The following LY6K variants were observed in gnomAD, a reference collection of about 807,000 sequenced individuals.
LY6K encodes lymphocyte antigen 6K.
A neutral mutation model predicts 10.4 loss-of-function variants in LY6K; 9 were observed. The observed-to-expected ratio is 0.87, with a 90% CI of 0.52 to 1.52. LY6K has a LOEUF of 1.52. LY6K is among the 40% of genes most tolerant of loss of function. LY6K has a pLI of 0.00. For missense variants in LY6K, 217 were observed against 211.7 expected (o/e 1.02, Z -0.15); for synonymous variants, 98 against 83.7 (o/e 1.17, Z -0.94).
At chr8:142,701,016 G>T (rs1007136882) in intron 1 of LY6K, among the ~76,000 whole-genome samples, 1 of 151,942 alleles carries the variant, frequency 6.6e-6, no homozygotes, top group East Asian at 2.0e-4. Flanking sequence ...GAGGGAGTCG[G>T]GGGGCAGGAC....
Position 142,703,471 on chromosome 8 carries a change from G to C in LY6K, c.*100G>C. 7.1e-7 allele frequency: 1 copy of C among 1,410,050 alleles called. No homozygotes were observed. The highest frequency in any genetic ancestry group is 9.5e-7 in the Non-Finnish European group (1 of 1,058,042). 87.3% of individuals were successfully genotyped at this position (1,410,050 alleles called of 1,614,324 possible). A position where few individuals can be genotyped will look rare whatever the true frequency, so the allele number is the denominator to read the frequency against. ...CTTGTTTTCTGTTGATTACCTCTTG[G>C]TTTGACTTCCCAGGGTCTTGGGATG... On this transcript the variant is annotated 3_prime_UTR_variant, in exon 3 of 3. Transcript: ENST00000292430.
At position 142,703,773 on chromosome 8, in the gene LY6K, G is replaced by C. The variant is rs1311071713; in HGVS notation, c.*402G>C. ...CCTTTCAGGTGACGCAGGAACACTG[G>C]GGGAGTCTGAATGATTGGGGTGAAG... On this transcript the variant is annotated 3_prime_UTR_variant, in exon 3 of 3. Coordinates refer to ENST00000292430, the MANE Select transcript of LY6K (RefSeq NM_017527.4). 5.3e-6 allele frequency: 1 copy of C among 189,874 alleles called. No homozygotes were observed. The highest frequency in any genetic ancestry group is 1.1e-5 in the Non-Finnish European group (1 of 90,972). 11.8% of individuals were successfully genotyped at this position (189,874 alleles called of 1,614,324 possible). A position where few individuals can be genotyped will look rare whatever the true frequency, so the allele number is the denominator to read the frequency against.
rs1440510331 is a variant in LY6K at position 142,700,404 on chromosome 8, C to CCGGGGCGGG, written c.-117_-109dup. The CCGGGGCGGG allele has an allele frequency of 7.6e-5, 103 of 1,350,278 alleles. No individual in the cohort carries two copies. The South Asian group carries it at 1.8e-3, about 23-fold the overall frequency. 83.6% of individuals were successfully genotyped at this position (1,350,278 alleles called of 1,614,324 possible). A position where few individuals can be genotyped will look rare whatever the true frequency, so the allele number is the denominator to read the frequency against. ...CCCCGGCGGGTGGGAGGCGCGCGCC[C>CCGGGGCGGG]CGGGGCGGGCGGGGCTCCCCCTACC... On this transcript the variant is annotated 5_prime_UTR_variant, in exon 1 of 3. Coordinates refer to ENST00000292430, the MANE Select transcript of LY6K (RefSeq NM_017527.4).
chr8:142,703,150 G>A lies in LY6K; in HGVS notation c.277G>A (p.Glu93Lys). 6.2e-7 allele frequency: 1 copy of A among 1,614,224 alleles called. No individual in the cohort carries two copies. Among genetic ancestry groups the A allele is most frequent in the Non-Finnish European group, 8.5e-7 (1 of 1,180,036 alleles). Residue 93 changes from glutamate to lysine, a missense_variant, in exon 3 of 3, where the codon GAG becomes AAG. Glu to Lys is a moderately conservative substitution (Grantham distance 56). Coordinates refer to ENST00000292430, the MANE Select transcript of LY6K (RefSeq NM_017527.4). ...GTGCTCCGCTGGTTGTGCAGCGATG[G>A]AGAGACCCAAGCCAGAGGAGAAGCG... ...KQCSAGCAAM[E>K]RPKPEEKRFL... is the part of the protein sequence containing the mutation.
rs782149353 is a variant in LY6K at position 142,700,494 on chromosome 8, G to C, written c.-34G>C. 5.0e-5 allele frequency: 78 copies of C among 1,548,786 alleles called. No homozygotes were observed. Among genetic ancestry groups the C allele is most frequent in the Non-Finnish European group, 6.5e-5 (75 of 1,150,162 alleles). On this transcript the variant is annotated 5_prime_UTR_variant, in exon 1 of 3. Coordinates refer to ENST00000292430, the MANE Select transcript of LY6K (RefSeq NM_017527.4). ...TCCAGAAGGGCGGGGAGGGGGCGCC[G>C]CGCGCTGACCCTCCCTGGGCACCGC...
At chr8:142,702,744 T>C (rs2129934814) in intron 2 of LY6K, 1 of 1,484,738 alleles carries the variant, frequency 6.7e-7, no homozygotes, top group East Asian at 2.5e-5. Context: ...ACACCCTGGG[T>C]GATGGCCAGA....
rs371040434 is a variant in LY6K, at chr8:142,703,229, G to A, written c.356G>A (p.Arg119His). 135 of 1,614,160 alleles carry A rather than the reference G, an allele frequency of 8.4e-5. 1 individual carries two copies. In the East Asian group the frequency reaches 1.3e-3, roughly 15 times the overall value. Residue 119 changes from arginine to histidine, a missense_variant, in exon 3 of 3, where the codon CGC becomes CAC. Physicochemically the swap from Arg to His is conservative, Grantham distance 29 (BLOSUM62 0). Transcript: ENST00000292430. The stretch of plus-strand genomic sequence containing the variant: ...TTTTACCTCAAGTGTTGTAAAATTC[G>A]CTACTGCAATTTAGAGGGGCCACCT... Reference protein sequence around the residue: ...PFFYLKCCKIRYCNLEGPPIN... With the variant: ...PFFYLKCCKIHYCNLEGPPIN...
chr8:142,701,521 T>G, intron 1 of LY6K, 79 bp from the exon 2 acceptor site: 1 of 941,316 alleles, frequency 1.1e-6, no homozygotes, highest in South Asian at 1.4e-5. Flanking sequence ...GAGTTTGTGC[T>G]GGTCGGATGC....
chr8:142,702,612 C>T, intron 2 of LY6K: 1 of 1,534,980 alleles, frequency 6.5e-7, no homozygotes, highest in Non-Finnish European at 8.7e-7. Context: ...CAGTGTGGCC[C>T]ACATCGACTT....
At chr8:142,702,544 C>G (rs587639726) in intron 2 of LY6K, 2 of 1,535,622 alleles carry the variant, frequency 1.3e-6, no homozygotes, top group Non-Finnish European at 8.7e-7. Context: ...CCAGCAGTCA[C>G]TCTCCAGCCC....
Position 142,700,617 on chromosome 8 carries a change from C to T in LY6K, c.90C>T (p.Asp30=), listed in dbSNP as rs1202234094. ...NLTARQRDPE[D]SQRTDEGDNR... The stretch of plus-strand genomic sequence containing the variant: ...CTGCGAGACAACGAGATCCAGAGGA[C>T]TCCCAGCGAACGGGTGAGCCTGGCT... The change falls in exon 1 of 3, where the codon GAC becomes GAT. Residue 30 remains aspartate (D), a synonymous_variant. Coordinates refer to ENST00000292430, the MANE Select transcript of LY6K (RefSeq NM_017527.4). 8.3e-6 allele frequency: 13 copies of T among 1,562,494 alleles called. No individual in the cohort carries two copies. The East Asian group carries it at 1.3e-4, about 15-fold the overall frequency.
rs140449443 is a variant in LY6K, at chr8:142,703,034, C to T, written c.218-57C>T. On this transcript the variant is annotated intron_variant, in intron 2 of 2. Coordinates refer to ENST00000292430, the MANE Select transcript of LY6K (RefSeq NM_017527.4). ...GGCTTTGACCCAGACAGAAGGGCCT[C>T]GGTGTCAGGCATTGGAATTGCGTGA... The T allele has an allele frequency of 2.0e-4, 328 of 1,601,840 alleles. 1 individual carries two copies. The highest frequency in any genetic ancestry group is 1.2e-3 in the African/African-American group (93 of 74,714).
chr8:142,701,868 T>C (rs1218364515), intron 2 of LY6K, 155 bp downstream of exon 2: 2 of 587,182 alleles, frequency 3.4e-6, no homozygotes, highest in Non-Finnish European at 6.1e-6. Context: ...TGGAGTGCAG[T>C]GGTGTGATCT....
intron 2 of LY6K, chr8:142,702,481 C>T: frequency 6.5e-7 from 1 of 1,535,304 alleles, no homozygotes; most frequent in South Asian, 1.2e-5. Context: ...TCTGGACACC[C>T]AGCACATTCT....
At position 142,701,612 on chromosome 8, in the gene LY6K, A is replaced by G; in HGVS notation, c.116A>G (p.Asn39Ser). 6.2e-7 allele frequency: 1 copy of G among 1,610,382 alleles called. No individual in the cohort carries two copies. The change falls in exon 2 of 3, where the codon AAT (asparagine) becomes AGT (serine). Residue 39 changes from asparagine (N) to serine (S), a missense_variant. Coordinates refer to ENST00000292430, the MANE Select transcript of LY6K (RefSeq NM_017527.4). ...TTCCTCCTTTCAGACGAGGGTGACA[A>G]TAGAGTGTGGTGTCATGTTTGTGAG... ...EDSQRTDEGD[N>S]RVWCHVCERE...
chr8:142,700,676 C>T (rs1391809725), intron 1 of LY6K, 46 bp downstream of exon 1: 8 of 1,403,528 alleles, frequency 5.7e-6, no homozygotes, highest in Non-Finnish European at 7.5e-6. Flanking sequence ...GAGGACAGGG[C>T]CGGGCGGCGT....
At chr8:142,700,663 C>T in intron 1 of LY6K, 33 bp downstream of exon 1, 2 of 1,458,196 alleles carry the variant, frequency 1.4e-6, no homozygotes, top group Non-Finnish European at 1.8e-6. Context: ...AGCCACGGGC[C>T]GAGAGGACAG....
rs1814954040 is a variant in LY6K at position 142,700,406 on chromosome 8, G to GGGGC, written c.-114_-111dup. 3 of 1,347,984 alleles carry GGGGC rather than the reference G, an allele frequency of 2.2e-6. No individual in the cohort carries two copies. 83.5% of individuals were successfully genotyped at this position (1,347,984 alleles called of 1,614,324 possible). A position where few individuals can be genotyped will look rare whatever the true frequency, so the allele number is the denominator to read the frequency against. ...CCGGCGGGTGGGAGGCGCGCGCCCCGGGGCGGGCGGGGCTCCCCCTACCGG... is the reference window on the plus strand; with the variant it reads ...CCGGCGGGTGGGAGGCGCGCGCCCCGGGGCGGGCGGGCGGGGCTCCCCCTACCGG... On this transcript the variant is annotated 5_prime_UTR_variant, in exon 1 of 3. The change creates a premature stop within an existing upstream ORF in the 5' untranslated region. Coordinates refer to ENST00000292430, the MANE Select transcript of LY6K (RefSeq NM_017527.4).
intron 1 of LY6K, 32 bp from the exon 2 acceptor site, chr8:142,701,568 C>A (rs1554640115): frequency 9.0e-6 from 13 of 1,442,042 alleles, no homozygotes; most frequent in Non-Finnish European, 1.2e-5. Context: ...AGAACTGGAA[C>A]ATTCTGCTTT....
Sources: allele counts gnomAD v4.1 joint callset (sites outside exome capture counted in the v4.1 genomes callset), GRCh38; gene constraint gnomAD v4.1.1; transcripts MANE v1.5; gene names NCBI Gene and HGNC (gene_info 2026-07-23, HGNC 2026-07-21).